Variants in STK39 observed in about 807,000 individuals in gnomAD.
STK39 encodes the protein STE20/SPS1-related proline-alanine-rich protein kinase.
STK39 carries 20 observed loss-of-function variants against 77.8 expected under a neutral mutation model. The ratio of observed to expected loss-of-function variants is 0.26; its 90% CI spans 0.18 to 0.37. The LOEUF (loss-of-function observed/expected upper bound fraction) is 0.37, where lower values mean the gene tolerates loss of function less well. STK39 is among the 10% of genes least tolerant of loss of function. The pLI is 1.00. For synonymous variants in STK39, 246 were observed against 234.1 expected (o/e 1.05, Z -0.47); for missense variants, 479 against 656.5 (o/e 0.73, Z 2.95).
intron 14 of STK39, among the ~76,000 whole-genome samples, chr2:168,051,979 A>G (rs1188652038): frequency 6.6e-6 from 1 of 152,032 alleles, no homozygotes; most frequent in Non-Finnish European, 1.5e-5. Flanking sequence ...TGGAAAAAAA[A>G]GAATGAGGAA....
At position 168,001,846 on chromosome 2, in the gene STK39, T is replaced by C. The variant is rs576978129; in HGVS notation, c.1498+10788A>G. ...CAAAAGAGCCATTTAATTTAAATCC[T>C]ACACACTTGGTAATGTTAGAAAAAT... On this transcript the variant is annotated intron_variant, in intron 16 of 17. Coordinates refer to ENST00000355999, the MANE Select transcript of STK39 (RefSeq NM_013233.3). Among the ~76,000 whole-genome samples the C allele has an allele frequency of 2.9e-3, 445 of 152,346 alleles. 3 individuals are homozygous for C. Among genetic ancestry groups the C allele is most frequent in the African/African-American group, 0.01 (424 of 41,582 alleles).
chr2:168,235,073 T>C (rs920132009), intron 1 of STK39, among the ~76,000 whole-genome samples: 1 of 151,592 alleles, frequency 6.6e-6, no homozygotes, highest in African/African-American at 2.4e-5. Flanking sequence ...AGTCTCACTC[T>C]GTTACCCAGG....
At chr2:168,162,167 T>G (rs2105585916) in intron 4 of STK39, among the ~76,000 whole-genome samples, 1 of 151,594 alleles carries the variant, frequency 6.6e-6, no homozygotes, top group Admixed American at 6.6e-5. Context: ...GTGCCTGTAA[T>G]CCCAGCTACT....
Position 168,025,121 on chromosome 2 carries a change from C to T in STK39, c.1377-8026G>A, listed in dbSNP as rs569314536. On this transcript the variant is annotated intron_variant, in intron 14 of 17. Coordinates refer to ENST00000355999, the MANE Select transcript of STK39 (RefSeq NM_013233.3). ...CTGTGTGCCCCAAACACTCCTCTACCTCTGTATGGCTGTCTCTTCAGTGTT... is the reference window on the plus strand; with the variant it reads ...CTGTGTGCCCCAAACACTCCTCTACTTCTGTATGGCTGTCTCTTCAGTGTT... Among the ~76,000 whole-genome samples the T allele has an allele frequency of 2.0e-5, 3 of 152,280 alleles. No homozygotes were observed. In the South Asian group the frequency reaches 6.2e-4, roughly 32 times the overall value.
chr2:168,138,876 C>A (rs1439876746), intron 7 of STK39, among the ~76,000 whole-genome samples: 2 of 151,970 alleles, frequency 1.3e-5, no homozygotes, highest in Non-Finnish European at 2.9e-5. Flanking sequence ...AACTTTAAAT[C>A]AAAACGGTAA....
chr2:168,004,065 A>G (rs964654528), intron 16 of STK39, among the ~76,000 whole-genome samples: 1 of 152,228 alleles, frequency 6.6e-6, no homozygotes, highest in Non-Finnish European at 1.5e-5. Flanking sequence ...CCATATGCTC[A>G]TGACTGAGCA....
intron 16 of STK39, among the ~76,000 whole-genome samples, chr2:167,979,488 G>C (rs1404196921): frequency 6.6e-6 from 1 of 152,144 alleles, no homozygotes; most frequent in Non-Finnish European, 1.5e-5. Flanking sequence ...GACAATAAAG[G>C]TCTTAAACGT....
intron 5 of STK39, among the ~76,000 whole-genome samples, chr2:168,145,861 G>C (rs903800733): frequency 2.6e-5 from 4 of 152,140 alleles, no homozygotes; most frequent in African/African-American, 9.7e-5. Context: ...GCATAAGCCA[G>C]GTGACTGATT....
chr2:168,014,047 T>C (rs1249843026), intron 15 of STK39, among the ~76,000 whole-genome samples: 1 of 152,206 alleles, frequency 6.6e-6, no homozygotes, highest in Non-Finnish European at 1.5e-5. Context: ...TCTGCCATTT[T>C]ACTGATTCCA....
At chr2:168,113,133 T>G (rs1233648362) in intron 10 of STK39, 1 of 152,268 alleles carries the variant, frequency 6.6e-6, no homozygotes, top group Non-Finnish European at 1.5e-5. Context: ...CACCATTCTA[T>G]GTCCATACCA....
At chr2:168,146,522 C>T (rs1369920830) in intron 5 of STK39, among the ~76,000 whole-genome samples, 2 of 152,064 alleles carry the variant, frequency 1.3e-5, no homozygotes, top group East Asian at 1.9e-4. Context: ...AATAGGAGCC[C>T]CCATAGCTTC....
intron 1 of STK39, among the ~76,000 whole-genome samples, chr2:168,202,462 GC>G (rs1415784170): frequency 6.6e-6 from 1 of 151,944 alleles, no homozygotes; most frequent in African/African-American, 2.4e-5. Flanking sequence ...GAAAACTAAG[GC>G]CCAAAGTCAC....
At chr2:168,036,094 T>C (rs1372155979) in intron 14 of STK39, among the ~76,000 whole-genome samples, 1 of 152,196 alleles carries the variant, frequency 6.6e-6, no homozygotes, top group African/African-American at 2.4e-5. Context: ...TGCAGATTTC[T>C]TACATTAAGT....
intron 1 of STK39, among the ~76,000 whole-genome samples, chr2:168,232,988 G>A (rs997064049): frequency 6.6e-6 from 1 of 151,824 alleles, no homozygotes; most frequent in Non-Finnish European, 1.5e-5. Context: ...TCACAAAAAC[G>A]GCTATAGATG....
At chr2:168,226,616 C>T (rs554824673) in intron 1 of STK39, among the ~76,000 whole-genome samples, 22 of 149,942 alleles carry the variant, frequency 1.5e-4, no homozygotes, top group Admixed American at 8.0e-4. Context: ...AATTACCCAA[C>T]CATCCCACCC....
At chr2:168,181,949 C>T in intron 2 of STK39, 29 bp downstream of exon 2, 2 of 1,575,220 alleles carry the variant, frequency 1.3e-6, no homozygotes, top group Admixed American at 1.7e-5. Flanking sequence ...GAAAAGCAAC[C>T]AGCAGGTATT....
chr2:168,231,259 C>T (rs1475855244), intron 1 of STK39, among the ~76,000 whole-genome samples: 2 of 152,086 alleles, frequency 1.3e-5, no homozygotes, highest in Non-Finnish European at 2.9e-5. Flanking sequence ...AAATTAATGT[C>T]ACTTTAGAAA....
chr2:168,240,830 G>A (rs2105279327), intron 1 of STK39, among the ~76,000 whole-genome samples: 1 of 152,354 alleles, frequency 6.6e-6, no homozygotes, highest in Admixed American at 6.5e-5. Context: ...AGGCAAGGGA[G>A]TACAGGAAGT....
rs146762531 is a variant in STK39 at position 168,223,221 on chromosome 2, A to G, written c.208+24007T>C. ...ATAGGGACCTTTCTTCTAGAAATTC[A>G]CTTCTTGGCCAGGCGCAGTGGCTCA... On this transcript the variant is annotated intron_variant, in intron 1 of 17. Coordinates refer to ENST00000355999, the MANE Select transcript of STK39 (RefSeq NM_013233.3). 9.8e-3 allele frequency among the ~76,000 whole-genome samples: 1,494 copies of G among 152,246 alleles called. 28 individuals carry two copies. The highest frequency in any genetic ancestry group is 0.033 in the African/African-American group (1,381 of 41,520).
Sources: gnomAD v4.1 joint callset for allele counts (sites outside exome capture counted in the v4.1 genomes callset) on GRCh38, gnomAD v4.1.1 for gene constraint, MANE v1.5 for transcripts, NCBI Gene and HGNC (gene_info 2026-07-23, HGNC 2026-07-21) for gene names.